SH3GL2: variants seen among roughly 807,000 people sequenced by gnomAD.
SH3GL2 encodes SH3 domain containing GRB2 like 2, endophilin A1.
Under a neutral mutation model 46.0 loss-of-function variants are expected in SH3GL2, and 24 were observed. The observed-to-expected ratio is 0.52, with a 90% CI of 0.38 to 0.73. The LOEUF (loss-of-function observed/expected upper bound fraction) is 0.73. Among genes scored for constraint, SH3GL2 ranks in the 30% least tolerant of loss-of-function variants. The pLI is 0.00. For synonymous variants in SH3GL2, 196 were observed against 147.1 expected (o/e 1.33, Z -2.40); for missense variants, 413 against 424.2 (o/e 0.97, Z 0.23).
intron 1 of SH3GL2, among the ~76,000 whole-genome samples, chr9:17,586,206 T>C (rs911387068): frequency 6.6e-6 from 1 of 152,152 alleles, no homozygotes; most frequent in Non-Finnish European, 1.5e-5. Context: ...TTGTAGTTGC[T>C]CTACCCTAAT....
chr9:17,772,020 C>T (rs9406710), intron 3 of SH3GL2, among the ~76,000 whole-genome samples: 15,499 of 152,078 alleles, frequency 0.1, 880 homozygotes, highest in Non-Finnish European at 0.11. Context: ...TCTGTCATTT[C>T]GTAATTGTTA....
chr9:17,579,752 G>C (rs1306706711), intron 1 of SH3GL2, among the ~76,000 whole-genome samples: 1 of 152,146 alleles, frequency 6.6e-6, no homozygotes, highest in Non-Finnish European at 1.5e-5. Context: ...GGAGGCCGGC[G>C]GTTTGCGCTC....
At chr9:17,684,581 C>G (rs1820856474) in intron 1 of SH3GL2, among the ~76,000 whole-genome samples, 2 of 152,006 alleles carry the variant, frequency 1.3e-5, no homozygotes, top group Non-Finnish European at 1.5e-5. Context: ...ACAGTTTTCC[C>G]AAACTAATGA....
At chr9:17,610,818 C>T (rs1356110874) in intron 1 of SH3GL2, among the ~76,000 whole-genome samples, 1 of 151,980 alleles carries the variant, frequency 6.6e-6, no homozygotes, top group Non-Finnish European at 1.5e-5. Context: ...AGGGCAGTGC[C>T]CCCTCAAAAT....
intron 1 of SH3GL2, among the ~76,000 whole-genome samples, chr9:17,720,959 T>C (rs537944817): frequency 6.6e-6 from 1 of 152,200 alleles, no homozygotes; most frequent in African/African-American, 2.4e-5. Context: ...TAGTGTGTTG[T>C]GGAGCAGGGT....
chr9:17,632,728 C>G lies in SH3GL2; in HGVS notation c.45+53441C>G, dbSNP rs909623498. The stretch of plus-strand genomic sequence containing the variant: ...TTTGTTCTTGTAACCAACCAGAGCA[C>G]AAGTGACAGGCAAGCTTTTAGCTTT... On this transcript the variant is annotated intron_variant, in intron 1 of 8. Transcript: ENST00000380607. Among the ~76,000 whole-genome samples the G allele has an allele frequency of 1.2e-4, 18 of 152,264 alleles. 1 individual carries two copies. The highest frequency in any genetic ancestry group is 3.4e-3 in the Middle Eastern group (1 of 294).
intron 1 of SH3GL2, among the ~76,000 whole-genome samples, chr9:17,613,554 G>T (rs563266565): frequency 1.1e-4 from 16 of 152,266 alleles, no homozygotes; most frequent in African/African-American, 3.9e-4. Flanking sequence ...TCTTCCCTTG[G>T]TGTCAGTGCT....
intron 1 of SH3GL2, among the ~76,000 whole-genome samples, chr9:17,586,657 G>A (rs1479843563): frequency 6.6e-6 from 1 of 152,164 alleles, no homozygotes; most frequent in Non-Finnish European, 1.5e-5. Flanking sequence ...ACGGCAGCAA[G>A]GAGAAGTACA....
At chr9:17,722,983 A>G (rs1488917032) in intron 1 of SH3GL2, among the ~76,000 whole-genome samples, 1 of 152,122 alleles carries the variant, frequency 6.6e-6, no homozygotes, top group East Asian at 1.9e-4. Flanking sequence ...CCTGCTTAGT[A>G]ATTTTACTTA....
intron 1 of SH3GL2, among the ~76,000 whole-genome samples, chr9:17,703,623 T>C (rs866652724): frequency 6.6e-6 from 1 of 152,100 alleles, no homozygotes; most frequent in Non-Finnish European, 1.5e-5. Flanking sequence ...GTAGTCGTTA[T>C]CCCTGGGATG....
intron 1 of SH3GL2, among the ~76,000 whole-genome samples, chr9:17,647,728 G>A (rs1382463179): frequency 6.6e-6 from 1 of 152,136 alleles, no homozygotes; most frequent in African/African-American, 2.4e-5. Context: ...TACACATAAA[G>A]GATTTAGCAT....
chr9:17,738,134 A>G (rs930113564), intron 1 of SH3GL2, among the ~76,000 whole-genome samples: 1 of 152,126 alleles, frequency 6.6e-6, no homozygotes, highest in Non-Finnish European at 1.5e-5. Flanking sequence ...TTTTATTTGC[A>G]TTTAAAACCT....
In SH3GL2 at chr9:17,629,454, C is replaced by T. The variant is rs78080646; in HGVS notation, c.45+50167C>T. Among the ~76,000 whole-genome samples the T allele has an allele frequency of 4.6e-3, 701 of 152,172 alleles. 3 individuals are homozygous for T. Among genetic ancestry groups the T allele is most frequent in the African/African-American group, 0.016 (663 of 41,520 alleles). On this transcript the variant is annotated intron_variant, in intron 1 of 8. Coordinates refer to ENST00000380607, the MANE Select transcript of SH3GL2 (RefSeq NM_003026.5). ...TATTAAGGTGATGGAAATAATTTTC[C>T]ATTCACAAATTGCTAACATACTGCC... is the stretch of plus-strand genomic sequence containing the variant.
chr9:17,742,208 G>A, intron 1 of SH3GL2, among the ~76,000 whole-genome samples: 1 of 152,112 alleles, frequency 6.6e-6, no homozygotes, highest in South Asian at 2.1e-4. Flanking sequence ...TGGCTCTTAA[G>A]CATTTAGTAA....
intron 1 of SH3GL2, among the ~76,000 whole-genome samples, chr9:17,703,063 G>A (rs1821377376): frequency 6.6e-6 from 1 of 151,962 alleles, no homozygotes; most frequent in Admixed American, 6.6e-5. Context: ...CCCTCAAGAT[G>A]GGGACACATC....
chr9:17,756,898 C>T (rs1823010148), intron 2 of SH3GL2, among the ~76,000 whole-genome samples: 1 of 152,162 alleles, frequency 6.6e-6, no homozygotes, highest in Non-Finnish European at 1.5e-5. Context: ...GAGGAATTGC[C>T]ACACTGTCTT....
chr9:17,726,658 A>T (rs565422580), intron 1 of SH3GL2, among the ~76,000 whole-genome samples: 88 of 152,308 alleles, frequency 5.8e-4, no homozygotes, highest in African/African-American at 2.1e-3. Flanking sequence ...TAGATGTGTG[A>T]TATGCCTAGG....
intron 1 of SH3GL2, among the ~76,000 whole-genome samples, chr9:17,688,963 A>G (rs754082013): frequency 5.9e-5 from 9 of 152,106 alleles, no homozygotes; most frequent in Non-Finnish European, 1.2e-4. Flanking sequence ...CTCTTGAAGC[A>G]TACAGAATGG....
chr9:17,748,947 C>G (rs76132582), intron 2 of SH3GL2, among the ~76,000 whole-genome samples: 150 of 152,280 alleles, frequency 9.9e-4, no homozygotes, highest in African/African-American at 3.6e-3. Flanking sequence ...AGATAAGTTG[C>G]CAAGAGGCAG....
Sources: gnomAD v4.1 joint callset for allele counts (sites outside exome capture counted in the v4.1 genomes callset) on GRCh38, gnomAD v4.1.1 for gene constraint, MANE v1.5 for transcripts, NCBI Gene and HGNC (gene_info 2026-07-23, HGNC 2026-07-21) for gene names.